Variants in TMCC3 observed in about 807,000 individuals in gnomAD.
TMCC3 encodes transmembrane and coiled-coil domain protein 3.
In TMCC3, 28 loss-of-function variants were observed where a neutral mutation model predicts 40.2. The ratio of observed to expected loss-of-function variants is 0.70; its 90% confidence interval spans 0.52 to 0.95. The LOEUF is 0.95. TMCC3 is among the 40% of genes least tolerant of loss of function. The pLI, the probability that TMCC3 is intolerant of heterozygous loss-of-function variation, is 0.00. For missense variants in TMCC3, 554 were observed against 615.2 expected, an observed-to-expected ratio of 0.90 and a Z score of 1.05; for synonymous variants, 255 against 248.5, an observed-to-expected ratio of 1.03 and a Z score of -0.25.
At chr12:94,584,725 C>G (rs2068627997) in intron 1 of TMCC3, among the ~76,000 whole-genome samples, 1 of 151,748 alleles carries the variant, frequency 6.6e-6, no homozygotes, top group Non-Finnish European at 1.5e-5. Flanking sequence ...GAAGGAGAGA[C>G]ACTGGTTGCT....
chr12:94,612,173 A>AT (rs900631632), intron 1 of TMCC3, among the ~76,000 whole-genome samples: 5 of 151,756 alleles, frequency 3.3e-5, no homozygotes, highest in African/African-American at 1.2e-4. Context: ...TAATTTTTGT[A>AT]TTTTTTTGTA....
At chr12:94,605,288 C>T (rs564586731) in intron 1 of TMCC3, among the ~76,000 whole-genome samples, 7 of 152,080 alleles carry the variant, frequency 4.6e-5, no homozygotes, top group South Asian at 2.1e-4. Flanking sequence ...GAAAAGGAGG[C>T]TTATCTTAAA....
intron 1 of TMCC3, among the ~76,000 whole-genome samples, chr12:94,589,467 C>A (rs2138834987): frequency 6.6e-6 from 1 of 150,402 alleles, no homozygotes; most frequent in South Asian, 2.1e-4. Flanking sequence ...TACCTAACTT[C>A]TAGGGGACAG....
intron 1 of TMCC3, among the ~76,000 whole-genome samples, chr12:94,596,968 A>T (rs986112809): frequency 1.3e-5 from 2 of 151,958 alleles, no homozygotes; most frequent in African/African-American, 4.8e-5. Flanking sequence ...CAAGCAGAAT[A>T]TAGGTAATCA....
At chr12:94,617,603 A>G (rs1340787538) in intron 1 of TMCC3, among the ~76,000 whole-genome samples, 1 of 152,240 alleles carries the variant, frequency 6.6e-6, no homozygotes, top group Admixed American at 6.5e-5. Context: ...CCTTTTGACC[A>G]TATTTGTAGG....
At chr12:94,579,078 T>C (rs145259828) in intron 2 of TMCC3, among the ~76,000 whole-genome samples, 3 of 152,198 alleles carry the variant, frequency 2.0e-5, no homozygotes, top group Non-Finnish European at 4.4e-5. Flanking sequence ...TAACTGACAA[T>C]ACAAAATTAA....
intron 1 of TMCC3, chr12:94,616,008 G>A (rs1315369402): frequency 2.7e-5 from 27 of 985,294 alleles, no homozygotes; most frequent in Non-Finnish European, 3.3e-5. Context: ...CTGCAAGGCA[G>A]GCAGGCTAGA....
intron 1 of TMCC3, among the ~76,000 whole-genome samples, chr12:94,624,717 T>TA (rs199973828): frequency 0.086 from 12,829 of 148,890 alleles, 578 homozygotes; most frequent in South Asian, 0.17. Flanking sequence ...GTCTCAAAAT[T>TA]AAAAAAAAAT....
rs772993109 is a variant in TMCC3 at position 94,582,553 on chromosome 12, A to G, written c.79-15T>C. On this transcript the variant is annotated splice_polypyrimidine_tract_variant and intron_variant, in intron 1 of 3. Coordinates refer to ENST00000261226, the MANE Select transcript of TMCC3 (RefSeq NM_020698.4). ...TGACGTTCTACCTGAAAGAGACAGGAAAGAAGCACATTAAAATTTGAAGTC... is the reference window on the plus strand; with the variant it reads ...TGACGTTCTACCTGAAAGAGACAGGGAAGAAGCACATTAAAATTTGAAGTC... 1 of 1,561,850 alleles carries G rather than the reference A, an allele frequency of 6.4e-7. No homozygotes were observed. Among genetic ancestry groups the G allele is most frequent in the South Asian group, 1.2e-5 (1 of 83,138 alleles).
At chr12:94,598,488 G>C in intron 1 of TMCC3, 2 of 656,972 alleles carry the variant, frequency 3.0e-6, no homozygotes, top group Non-Finnish European at 3.8e-6. Flanking sequence ...TCTCAATTTG[G>C]CATTCATAAG....
intron 1 of TMCC3, among the ~76,000 whole-genome samples, chr12:94,611,826 T>C (rs1273743313): frequency 6.6e-6 from 1 of 151,990 alleles, no homozygotes; most frequent in African/African-American, 2.4e-5. Context: ...TTCCTAAATA[T>C]TTTTGACCCC....
intron 1 of TMCC3, among the ~76,000 whole-genome samples, chr12:94,606,320 C>G (rs1460460195): frequency 6.6e-6 from 1 of 151,982 alleles, no homozygotes; most frequent in Non-Finnish European, 1.5e-5. Context: ...TCCCTAAGAA[C>G]CATGGGGCTT....
chr12:94,583,016 A>G (rs548313290), intron 1 of TMCC3, among the ~76,000 whole-genome samples: 1 of 148,214 alleles, frequency 6.7e-6, no homozygotes, highest in South Asian at 2.2e-4. Context: ...ATGGGGAAAA[A>G]TAGGGAAAAA....
intron 1 of TMCC3, among the ~76,000 whole-genome samples, chr12:94,594,122 G>C (rs1594277072): frequency 6.6e-6 from 1 of 152,006 alleles, no homozygotes; most frequent in East Asian, 1.9e-4. Context: ...TTTGGGAAAG[G>C]GAAGTGTACA....
At chr12:94,572,328 TGAG>T (rs1343851710) in intron 3 of TMCC3, among the ~76,000 whole-genome samples, 54 of 104,096 alleles carry the variant, frequency 5.2e-4, no homozygotes, top group Non-Finnish European at 7.6e-4. Flanking sequence ...TTTTTTTTTT[TGAG>T]ACAGAGTTTC....
chr12:94,626,984 C>G (rs1455682858), intron 1 of TMCC3, among the ~76,000 whole-genome samples: 1 of 152,090 alleles, frequency 6.6e-6, no homozygotes, highest in Non-Finnish European at 1.5e-5. Context: ...GCTCAGCCTC[C>G]TGAGTAGCTG....
intron 2 of TMCC3, among the ~76,000 whole-genome samples, chr12:94,579,923 C>A (rs1484716366): frequency 6.6e-6 from 1 of 152,056 alleles, no homozygotes; most frequent in Non-Finnish European, 1.5e-5. Flanking sequence ...CAGACTATTT[C>A]GATAGAACTG....
At chr12:94,583,106 G>A (rs1176338978) in intron 1 of TMCC3, among the ~76,000 whole-genome samples, 1 of 148,364 alleles carries the variant, frequency 6.7e-6, no homozygotes, top group Non-Finnish European at 1.5e-5. Context: ...GAATAATATG[G>A]TACAAGATTA....
At chr12:94,572,306 C>CTCTT (rs2068535935) in intron 3 of TMCC3, among the ~76,000 whole-genome samples, 1 of 50,636 alleles carries the variant, frequency 2.0e-5, no homozygotes, top group African/African-American at 7.5e-5. Flanking sequence ...CCGACTTCAT[C>CTCTT]TTTTTTTTTT....
Sources: gnomAD v4.1 joint callset for allele counts (sites outside exome capture counted in the v4.1 genomes callset) on GRCh38, gnomAD v4.1.1 for gene constraint, MANE v1.5 for transcripts, NCBI Gene and HGNC (gene_info 2026-07-23, HGNC 2026-07-21) for gene names.